DPY19L4: variants seen among roughly 807,000 people sequenced by gnomAD.
DPY19L4 encodes the protein dpy-19 like 4, also known as probable C-mannosyltransferase DPY19L4.
A neutral mutation model predicts 102.8 loss-of-function variants in DPY19L4; 97 were observed. The observed-to-expected ratio is 0.94, with a 90% CI of 0.80 to 1.12. The LOEUF (loss-of-function observed/expected upper bound fraction) is 1.12. Among genes scored for constraint, DPY19L4 ranks in the 50% most tolerant of loss-of-function variants. The pLI is 0.00. For synonymous variants in DPY19L4, 252 were observed against 283.1 expected, an observed-to-expected ratio of 0.89 and a Z score of 1.10; for missense variants, 815 against 850.4, an observed-to-expected ratio of 0.96 and a Z score of 0.52.
intron 7 of DPY19L4, among the ~76,000 whole-genome samples, chr8:94,757,505 G>T (rs1812213260): frequency 6.6e-6 from 1 of 152,020 alleles, no homozygotes; most frequent in African/African-American, 2.4e-5. Flanking sequence ...TGCGTCCCGG[G>T]CTCAAGCGAT....
intron 13 of DPY19L4, among the ~76,000 whole-genome samples, chr8:94,776,493 A>G (rs1430021978): frequency 6.6e-6 from 1 of 151,312 alleles, no homozygotes; most frequent in Non-Finnish European, 1.5e-5. Flanking sequence ...TGCTTGGGCC[A>G]TATATCTACA....
At chr8:94,734,061 CTTTT>C (rs55957128) in intron 2 of DPY19L4, among the ~76,000 whole-genome samples, 3 of 133,238 alleles carry the variant, frequency 2.3e-5, no homozygotes, top group Admixed American at 7.6e-5. Flanking sequence ...TACCTAATGT[CTTTT>C]TTTTTTTTTT....
In DPY19L4 at chr8:94,791,692, G is replaced by T. The variant is rs1813892408; in HGVS notation, c.*1782G>T. On this transcript the variant is annotated 3_prime_UTR_variant, in exon 19 of 19. Transcript: ENST00000414645. The stretch of plus-strand genomic sequence containing the variant: ...TAGAACACCCTACTTTTTATCTAGT[G>T]TGAAATATTTAATCGAATTTTTGTT... The T allele has an allele frequency of 6.6e-6, 1 of 152,030 alleles. No homozygotes were observed. The highest frequency in any genetic ancestry group is 1.9e-4 in the East Asian group (1 of 5,200). 9.4% of individuals were successfully genotyped at this position (152,030 alleles called of 1,614,324 possible). A position where few individuals can be genotyped will look rare whatever the true frequency, so the allele number is the denominator to read the frequency against.
At chr8:94,738,516 C>CTTTT in intron 4 of DPY19L4, 57 bp downstream of exon 4, 21 of 779,638 alleles carry the variant, frequency 2.7e-5, no homozygotes, top group South Asian at 7.0e-5. Context: ...CTTTTCTTTT[C>CTTTT]TTTTTTTTTT....
intron 8 of DPY19L4, 43 bp downstream of exon 8, chr8:94,761,877 G>A: frequency 6.4e-7 from 1 of 1,572,510 alleles, no homozygotes; most frequent in Non-Finnish European, 8.6e-7. Flanking sequence ...GAGAATAAAT[G>A]TATTTATAGC....
intron 4 of DPY19L4, among the ~76,000 whole-genome samples, chr8:94,738,939 A>G (rs541055326): frequency 6.6e-6 from 1 of 152,310 alleles, no homozygotes; most frequent in South Asian, 2.1e-4. Flanking sequence ...GATATTATAC[A>G]CAATGTATAA....
chr8:94,776,643 G>C (rs1813195737), intron 13 of DPY19L4, among the ~76,000 whole-genome samples: 2 of 151,358 alleles, frequency 1.3e-5, no homozygotes, highest in Non-Finnish European at 2.9e-5. Context: ...CAATTTTCTT[G>C]CTAGTAAAAC....
chr8:94,755,037 C>T (rs192107709), intron 6 of DPY19L4, among the ~76,000 whole-genome samples: 10 of 152,274 alleles, frequency 6.6e-5, no homozygotes, highest in Non-Finnish European at 1.3e-4. Flanking sequence ...ATCCACCTGC[C>T]TCAGCCTCCC....
At chr8:94,783,425 CTTA>C (rs1250901810) in intron 16 of DPY19L4, among the ~76,000 whole-genome samples, 1 of 152,048 alleles carries the variant, frequency 6.6e-6, no homozygotes, top group Non-Finnish European at 1.5e-5. Context: ...GTGTTTACTT[CTTA>C]TTGTCTTCCC....
At chr8:94,755,697 C>A (rs1264789452) in intron 6 of DPY19L4, among the ~76,000 whole-genome samples, 1 of 151,990 alleles carries the variant, frequency 6.6e-6, no homozygotes, top group African/African-American at 2.4e-5. Flanking sequence ...GAGTTTGAGA[C>A]AACACGGTGA....
intron 2 of DPY19L4, among the ~76,000 whole-genome samples, chr8:94,734,247 A>G (rs1360415568): frequency 1.3e-5 from 2 of 151,780 alleles, no homozygotes; most frequent in African/African-American, 2.4e-5. Context: ...TAGTTTCACC[A>G]TGTTGGCCAG....
chr8:94,754,244 A>G (rs761096310), intron 6 of DPY19L4, among the ~76,000 whole-genome samples: 1 of 152,144 alleles, frequency 6.6e-6, no homozygotes, highest in Admixed American at 6.5e-5. Flanking sequence ...TTTAAGATTT[A>G]TTATGTATGC....
At chr8:94,749,122 G>A (rs1212294012) in intron 6 of DPY19L4, among the ~76,000 whole-genome samples, 2 of 151,404 alleles carry the variant, frequency 1.3e-5, no homozygotes, top group Non-Finnish European at 2.9e-5. Flanking sequence ...AGAATAGCAC[G>A]GGAAAGACTT....
At chr8:94,722,487 A>G (rs900096217) in intron 1 of DPY19L4, among the ~76,000 whole-genome samples, 5 of 152,230 alleles carry the variant, frequency 3.3e-5, no homozygotes, top group Non-Finnish European at 7.3e-5. Flanking sequence ...TACATCTTAC[A>G]TGGGACAATT....
At position 94,787,934 on chromosome 8, in the gene DPY19L4, A is replaced by T; in HGVS notation, c.1889A>T (p.Tyr630Phe). 1.4e-6 allele frequency: 2 copies of T among 1,477,104 alleles called. No homozygotes were observed. Among genetic ancestry groups the T allele is most frequent in the East Asian group, 5.3e-5 (2 of 37,654 alleles). The allele number at this position is 1,477,104 out of a possible 1,614,324, so 91.5% of individuals were successfully genotyped here. ...IYSKRSAEDIYKILTSYKANY... is the reference protein window; with the variant it reads ...IYSKRSAEDIFKILTSYKANY... ...TCAAAGCGATCTGCTGAGGATATTT[A>T]TAAAATACTGACATCTTACAAAGCT... Residue 630 changes from tyrosine (Y) to phenylalanine (F), a missense_variant, in exon 18 of 19, where the codon TAT becomes TTT. Physicochemically the swap from Tyr to Phe is conservative, Grantham distance 22 (BLOSUM62 3). Transcript: ENST00000414645.
chr8:94,725,116 C>G (rs1370600075), intron 1 of DPY19L4, among the ~76,000 whole-genome samples: 2 of 152,106 alleles, frequency 1.3e-5, no homozygotes, highest in Non-Finnish European at 2.9e-5. Context: ...CACAGTAAAG[C>G]TAGAGAACAT....
At chr8:94,743,535 T>A (rs1811538751) in intron 6 of DPY19L4, among the ~76,000 whole-genome samples, 1 of 151,262 alleles carries the variant, frequency 6.6e-6, no homozygotes. Flanking sequence ...TCCCAGCTAC[T>A]CAGGAAGCTG....
intron 18 of DPY19L4, among the ~76,000 whole-genome samples, chr8:94,788,371 T>C (rs1451444287): frequency 6.6e-6 from 1 of 152,128 alleles, no homozygotes; most frequent in African/African-American, 2.4e-5. Flanking sequence ...ATTTGAATGA[T>C]GATTTTATTT....
At chr8:94,789,724 T>C in intron 18 of DPY19L4, 22 bp from the exon 19 acceptor site, 1 of 1,552,762 alleles carries the variant, frequency 6.4e-7, no homozygotes, top group Non-Finnish European at 8.7e-7. Context: ...TTTTTAATAT[T>C]ATGTTTTATA....
Sources: allele counts gnomAD v4.1 joint callset (sites outside exome capture counted in the v4.1 genomes callset), GRCh38; gene constraint gnomAD v4.1.1; transcripts MANE v1.5; gene names NCBI Gene and HGNC (gene_info 2026-07-23, HGNC 2026-07-21).